The following ARMC2 variants were observed in gnomAD, a reference collection of about 807,000 sequenced individuals.
ARMC2 encodes the protein armadillo repeat-containing protein 2.
In ARMC2, 67 loss-of-function variants were observed where a neutral mutation model predicts 90.3. That is an observed-to-expected ratio of 0.74 (90% CI 0.61 to 0.91). The LOEUF (loss-of-function observed/expected upper bound fraction) is 0.91. ARMC2 is among the 40% of genes least tolerant of loss of function. The pLI, the probability that ARMC2 is intolerant of heterozygous loss-of-function variation, is 0.00. For synonymous variants in ARMC2, 393 were observed against 393.0 expected, an observed-to-expected ratio of 1.00 and a Z score of 0.00; for missense variants, 920 against 1,030.9, an observed-to-expected ratio of 0.89 and a Z score of 1.47.
chr6:108,938,200 A>G (rs1776120885), intron 12 of ARMC2, among the ~76,000 whole-genome samples: 1 of 152,190 alleles, frequency 6.6e-6, no homozygotes, highest in Non-Finnish European at 1.5e-5. Flanking sequence ...TAATTTATGT[A>G]TATACTAACA....
At chr6:109,046,134 C>G in the ARMC2 span, among the ~76,000 whole-genome samples, 1 of 152,154 alleles carries the variant, frequency 6.6e-6, no homozygotes. Flanking sequence ...CGGTCTCCCT[C>G]TCATGCGGAG....
chr6:108,859,740 C>T (rs538532864), intron 3 of ARMC2, among the ~76,000 whole-genome samples: 1 of 152,268 alleles, frequency 6.6e-6, no homozygotes, highest in Non-Finnish European at 1.5e-5. Context: ...CGTGGTGGCT[C>T]ACGCCTGTAA....
chr6:108,937,774 A>G (rs1776071100), intron 12 of ARMC2, among the ~76,000 whole-genome samples: 1 of 151,970 alleles, frequency 6.6e-6, no homozygotes, highest in Non-Finnish European at 1.5e-5. Flanking sequence ...GGCTCACTGC[A>G]AGCTCCACCT....
the ARMC2 span, among the ~76,000 whole-genome samples, chr6:109,021,972 T>C: frequency 6.6e-6 from 1 of 152,178 alleles, no homozygotes; most frequent in Admixed American, 6.5e-5. Context: ...TAAAAATTTA[T>C]ATATGTGGAT....
At chr6:108,873,432 G>T (rs938488567) in intron 4 of ARMC2, among the ~76,000 whole-genome samples, 8 of 152,082 alleles carry the variant, frequency 5.3e-5, no homozygotes, top group Non-Finnish European at 1.2e-4. Flanking sequence ...CCCTGCTCAC[G>T]CCTGTCCTGG....
the ARMC2 span, among the ~76,000 whole-genome samples, chr6:108,985,085 T>C: frequency 6.6e-6 from 1 of 152,162 alleles, no homozygotes; most frequent in Non-Finnish European, 1.5e-5. Flanking sequence ...TATACAAATA[T>C]GCTAGTAACA....
intron 7 of ARMC2, among the ~76,000 whole-genome samples, chr6:108,901,632 G>C (rs1438950269): frequency 6.6e-6 from 1 of 151,884 alleles, no homozygotes; most frequent in Non-Finnish European, 1.5e-5. Flanking sequence ...GGCCAGGCTG[G>C]TCTCAAACTT....
At chr6:109,028,152 T>C in the ARMC2 span, among the ~76,000 whole-genome samples, 2 of 152,186 alleles carry the variant, frequency 1.3e-5, no homozygotes, top group Non-Finnish European at 2.9e-5. Flanking sequence ...AAACTTTTTT[T>C]CCCCATCTGT....
chr6:108,942,745 C>A (rs529311640), intron 12 of ARMC2, among the ~76,000 whole-genome samples: 3 of 152,218 alleles, frequency 2.0e-5, no homozygotes, highest in Admixed American at 1.3e-4. Context: ...GTAGACCTTC[C>A]CTGTTTTTGT....
At position 108,928,145 on chromosome 6, in the gene ARMC2, A is replaced by G; in HGVS notation, c.1408A>G (p.Asn470Asp). 1 of 1,613,554 alleles carries G rather than the reference A, an allele frequency of 6.2e-7. No individual in the cohort carries two copies. Among genetic ancestry groups the G allele is most frequent in the Non-Finnish European group, 8.5e-7 (1 of 1,179,710 alleles). ...DSSLVRSKFL[N>D]ISALPQLCTA... The stretch of plus-strand genomic sequence containing the variant: ...ATCATTAGTAAGAAGTAAGTTCCTA[A>G]ACATCAGTGCCCTTCCCCAGCTCTG... The change falls in exon 11 of 18, where the codon AAC becomes GAC. Residue 470 changes from asparagine (N) to aspartate (D), a missense_variant. Asn to Asp is a conservative substitution (Grantham distance 23). Coordinates refer to ENST00000392644, the MANE Select transcript of ARMC2 (RefSeq NM_032131.6).
At chr6:108,897,830 T>A (rs771011509) in intron 6 of ARMC2, among the ~76,000 whole-genome samples, 1 of 152,194 alleles carries the variant, frequency 6.6e-6, no homozygotes, top group Non-Finnish European at 1.5e-5. Context: ...TCACAGATAA[T>A]CATCAAGGGA....
intron 4 of ARMC2, 34 bp from the exon 5 acceptor site, chr6:108,876,109 A>T: frequency 6.6e-7 from 1 of 1,504,978 alleles, no homozygotes; most frequent in Non-Finnish European, 9.1e-7. Context: ...AAATAAGAAT[A>T]CTTCAACAAA....
At chr6:108,996,527 T>C in the ARMC2 span, among the ~76,000 whole-genome samples, 1 of 152,290 alleles carries the variant, frequency 6.6e-6, no homozygotes, top group East Asian at 1.9e-4. Context: ...AGAGCCCAAA[T>C]TTTAAGTATT....
chr6:109,005,022 G>C, the ARMC2 span, among the ~76,000 whole-genome samples: 1 of 152,148 alleles, frequency 6.6e-6, no homozygotes, highest in African/African-American at 2.4e-5. Flanking sequence ...TTGTAATAGT[G>C]ATCAAAATTA....
chr6:108,979,800 T>C, the ARMC2 span, among the ~76,000 whole-genome samples: 1 of 151,960 alleles, frequency 6.6e-6, no homozygotes, highest in East Asian at 2.0e-4. Flanking sequence ...TTGATACTTG[T>C]GTATGCTTCA....
the ARMC2 span, among the ~76,000 whole-genome samples, chr6:108,987,878 C>G: frequency 2.2e-3 from 334 of 149,210 alleles, 1 homozygote; most frequent in African/African-American, 7.9e-3. Flanking sequence ...TCTTGGCTCA[C>G]TACAACCTCC....
intron 4 of ARMC2, among the ~76,000 whole-genome samples, chr6:108,869,818 C>T (rs1776206877): frequency 1.3e-5 from 2 of 152,086 alleles, no homozygotes; most frequent in Admixed American, 6.5e-5. Context: ...TGGAATCACT[C>T]CCCATCCAGG....
intron 12 of ARMC2, among the ~76,000 whole-genome samples, chr6:108,952,803 G>A (rs1055988343): frequency 6.6e-5 from 10 of 152,172 alleles, no homozygotes; most frequent in African/African-American, 9.7e-5. Flanking sequence ...GGTAATAGAC[G>A]TTGCTGATCA....
chr6:108,949,385 A>G (rs1777025571), intron 12 of ARMC2, among the ~76,000 whole-genome samples: 1 of 152,234 alleles, frequency 6.6e-6, no homozygotes, highest in Non-Finnish European at 1.5e-5. Context: ...TGCTTAGGAC[A>G]ATGCCTGGCA....
Sources: allele counts gnomAD v4.1 joint callset (sites outside exome capture counted in the v4.1 genomes callset), GRCh38; gene constraint gnomAD v4.1.1; transcripts MANE v1.5; gene names NCBI Gene and HGNC (gene_info 2026-07-23, HGNC 2026-07-21).